Variants in ANO4 observed in about 807,000 individuals in gnomAD.
The protein encoded by ANO4 is anoctamin-4.
A neutral mutation model predicts 141.9 loss-of-function variants in ANO4; 69 were observed. That is an observed-to-expected ratio of 0.49 (90% CI 0.40 to 0.59). The LOEUF (loss-of-function observed/expected upper bound fraction) is 0.59, where lower values mean the gene tolerates loss of function less well. Among genes scored for constraint, ANO4 ranks in the 20% least tolerant of loss-of-function variants. The pLI is 0.00. For missense variants in ANO4, 894 were observed against 1,162.2 expected, an observed-to-expected ratio of 0.77 and a Z score of 3.36; for synonymous variants, 350 against 394.3, an observed-to-expected ratio of 0.89 and a Z score of 1.33.
chr12:100,719,719 T>G lies in ANO4; in HGVS notation c.22+2172T>G, dbSNP rs143978807. Among the ~76,000 whole-genome samples, 441 of 152,342 alleles carry G rather than the reference T, an allele frequency of 2.9e-3. 3 individuals carry two copies. The highest frequency in any genetic ancestry group is 9.8e-3 in the African/African-American group (406 of 41,566). ...CAAGATGAGAGAGAAATTTGGCTTATGTAGGCATTTCATTAGCAGCAGCCT... is the reference window on the plus strand; with the variant it reads ...CAAGATGAGAGAGAAATTTGGCTTAGGTAGGCATTTCATTAGCAGCAGCCT... On this transcript the variant is annotated intron_variant, in intron 1 of 29. Transcript: ENST00000644049.
At chr12:100,965,620 T>C (rs528318996) in intron 5 of ANO4, among the ~76,000 whole-genome samples, 9 of 152,052 alleles carry the variant, frequency 5.9e-5, no homozygotes, top group Admixed American at 3.3e-4. Flanking sequence ...CCTCACACTT[T>C]ACAATGTTCA....
At chr12:100,989,567 A>G (rs1340965458) in intron 8 of ANO4, among the ~76,000 whole-genome samples, 1 of 149,534 alleles carries the variant, frequency 6.7e-6, no homozygotes, top group African/African-American at 2.5e-5. Flanking sequence ...GGATGGATGG[A>G]TGGATGGATG....
intron 2 of ANO4, among the ~76,000 whole-genome samples, chr12:100,921,285 G>T (rs780808619): frequency 6.7e-6 from 1 of 149,720 alleles, no homozygotes; most frequent in Non-Finnish European, 1.5e-5. Flanking sequence ...TAGAATAAGC[G>T]TTCCTGTGAG....
intron 14 of ANO4, among the ~76,000 whole-genome samples, chr12:101,071,914 G>A (rs1209389930): frequency 6.6e-6 from 1 of 152,178 alleles, no homozygotes; most frequent in Non-Finnish European, 1.5e-5. Context: ...CTATGCATCT[G>A]AAAGGGGAGT....
intron 1 of ANO4, among the ~76,000 whole-genome samples, chr12:100,811,053 C>T (rs77907103): frequency 0.039 from 5,924 of 152,082 alleles, 389 homozygotes; most frequent in African/African-American, 0.13. Context: ...TAAGCAATTT[C>T]GGAGCCTGAG....
chr12:100,864,616 G>C (rs946120605), intron 1 of ANO4, among the ~76,000 whole-genome samples: 2 of 152,032 alleles, frequency 1.3e-5, no homozygotes, highest in African/African-American at 4.8e-5. Flanking sequence ...TTCATCATAA[G>C]CCCTGCTTTT....
intron 3 of ANO4, among the ~76,000 whole-genome samples, chr12:100,756,984 G>A (rs945586570): frequency 1.3e-4 from 20 of 151,984 alleles, no homozygotes; most frequent in African/African-American, 4.1e-4. Context: ...TGTCCTGCAG[G>A]CACTCTGACT....
At chr12:101,088,844 C>T (rs965461465) in intron 17 of ANO4, among the ~76,000 whole-genome samples, 4 of 151,960 alleles carry the variant, frequency 2.6e-5, no homozygotes, top group African/African-American at 9.7e-5. Context: ...GTCATGATTG[C>T]ACCACTGAAC....
intron 5 of ANO4, among the ~76,000 whole-genome samples, chr12:100,953,365 G>A (rs924237041): frequency 6.6e-6 from 1 of 152,178 alleles, no homozygotes; most frequent in African/African-American, 2.4e-5. Context: ...CCTTACAAGT[G>A]AAAAATTTGA....
intron 8 of ANO4, among the ~76,000 whole-genome samples, chr12:100,995,327 T>C (rs998561293): frequency 2.0e-5 from 3 of 152,048 alleles, no homozygotes; most frequent in Non-Finnish European, 4.4e-5. Flanking sequence ...GCTCTGATTG[T>C]GTTTGGGGAA....
At chr12:100,862,141 G>A (rs1051499529) in intron 1 of ANO4, among the ~76,000 whole-genome samples, 4 of 151,870 alleles carry the variant, frequency 2.6e-5, no homozygotes, top group African/African-American at 9.7e-5. Flanking sequence ...TGCCCAAGCT[G>A]GCCTCAAACA....
intron 1 of ANO4, among the ~76,000 whole-genome samples, chr12:100,871,067 G>A (rs183825572): frequency 2.0e-4 from 31 of 152,080 alleles, no homozygotes; most frequent in Non-Finnish European, 3.8e-4. Flanking sequence ...ATTGTTCCTT[G>A]GAAATCCTTT....
chr12:101,094,930 T>A (rs1210103296), intron 18 of ANO4, among the ~76,000 whole-genome samples: 1 of 152,206 alleles, frequency 6.6e-6, no homozygotes, highest in African/African-American at 2.4e-5. Flanking sequence ...AAGGCTGCAG[T>A]GAGTCATGAT....
intron 1 of ANO4, among the ~76,000 whole-genome samples, chr12:100,729,360 C>CAAAAA (rs1156522144): frequency 0.09 from 2,023 of 22,576 alleles, 324 homozygotes; most frequent in Non-Finnish European, 0.13. Flanking sequence ...AACTCTGTCT[C>CAAAAA]AAAAAAAAAA....
At chr12:100,782,057 C>A (rs11110518) in intron 3 of ANO4, among the ~76,000 whole-genome samples, 7,811 of 152,248 alleles carry the variant, frequency 0.051, 253 homozygotes, top group Middle Eastern at 0.078. Flanking sequence ...ACAACTTAAT[C>A]TTATCATTAG....
At chr12:100,983,344 G>A (rs116339771) in intron 7 of ANO4, among the ~76,000 whole-genome samples, 2,236 of 152,288 alleles carry the variant, frequency 0.015, 53 homozygotes, top group African/African-American at 0.051. Flanking sequence ...GCATTGCGAC[G>A]AATTTAACAG....
intron 1 of ANO4, among the ~76,000 whole-genome samples, chr12:100,841,851 G>C (rs930875648): frequency 8.5e-5 from 13 of 152,116 alleles, no homozygotes; most frequent in Non-Finnish European, 1.0e-4. Context: ...TACTTTTGCT[G>C]TTTGCTCTTT....
chr12:100,908,429 C>T (rs532734860), intron 2 of ANO4, among the ~76,000 whole-genome samples: 1 of 152,166 alleles, frequency 6.6e-6, no homozygotes, highest in Non-Finnish European at 1.5e-5. Flanking sequence ...TTAAACCCTA[C>T]ATATGTCGAG....
intron 3 of ANO4, among the ~76,000 whole-genome samples, chr12:100,749,163 C>T (rs2032250040): frequency 2.0e-5 from 3 of 152,138 alleles, no homozygotes; most frequent in Admixed American, 2.0e-4. Context: ...GGGTAAATGT[C>T]TCCTTCACAT....
Sources: allele counts gnomAD v4.1 joint callset (sites outside exome capture counted in the v4.1 genomes callset), GRCh38; gene constraint gnomAD v4.1.1; transcripts MANE v1.5; gene names NCBI Gene and HGNC (gene_info 2026-07-23, HGNC 2026-07-21).